SPAG16: variants seen among roughly 807,000 people sequenced by gnomAD.
SPAG16 encodes sperm associated antigen 16.
SPAG16 carries 86 observed loss-of-function variants against 80.4 expected under a neutral mutation model. That is an observed-to-expected ratio of 1.07 (90% CI 0.90 to 1.28). SPAG16 has a LOEUF of 1.28. Among genes scored for constraint, SPAG16 ranks in the 50% most tolerant of loss-of-function variants. The pLI is 0.00. For synonymous variants in SPAG16, 294 were observed against 265.9 expected (o/e 1.11, Z -1.03); for missense variants, 870 against 765.3 (o/e 1.14, Z -1.61).
intron 10 of SPAG16, among the ~76,000 whole-genome samples, chr2:213,514,169 A>C (rs1257099630): frequency 6.6e-6 from 1 of 152,142 alleles, no homozygotes; most frequent in Non-Finnish European, 1.5e-5. Flanking sequence ...GGTCCTTGGA[A>C]GCTCCGTATA....
chr2:213,847,347 T>C (rs994852339), intron 10 of SPAG16, among the ~76,000 whole-genome samples: 1 of 152,292 alleles, frequency 6.6e-6, no homozygotes, highest in Non-Finnish European at 1.5e-5. Context: ...GCAGGTTTTA[T>C]GGGAAGCATC....
intron 10 of SPAG16, among the ~76,000 whole-genome samples, chr2:213,610,503 T>TTTTATCACCATAACCTG (rs2061408342): frequency 6.6e-6 from 1 of 152,162 alleles, no homozygotes. Flanking sequence ...CCCATAACCT[T>TTTTATCACCATAACCTG]TTTATCACCA....
chr2:214,295,515 G>A (rs896883386), intron 15 of SPAG16, among the ~76,000 whole-genome samples: 1 of 152,168 alleles, frequency 6.6e-6, no homozygotes, highest in Non-Finnish European at 1.5e-5. Flanking sequence ...TGAAGGCCAG[G>A]GACAGTGGCT....
intron 15 of SPAG16, among the ~76,000 whole-genome samples, chr2:214,206,057 G>T (rs190547145): frequency 6.6e-6 from 1 of 151,958 alleles, no homozygotes; most frequent in African/African-American, 2.4e-5. Flanking sequence ...ATAGCTAGGT[G>T]TGGTGGCATA....
chr2:213,869,415 T>G (rs2075861588), intron 11 of SPAG16, among the ~76,000 whole-genome samples: 1 of 151,084 alleles, frequency 6.6e-6, no homozygotes. Context: ...ATACTGTCTC[T>G]CTAAAAATTA....
chr2:213,702,711 A>G (rs189117917), intron 10 of SPAG16, among the ~76,000 whole-genome samples: 65 of 152,330 alleles, frequency 4.3e-4, no homozygotes, highest in Non-Finnish European at 8.7e-4. Flanking sequence ...GTTCCAGTAC[A>G]GTGAATTACA....
chr2:213,918,667 G>C (rs1487106036), intron 11 of SPAG16, among the ~76,000 whole-genome samples: 3 of 152,124 alleles, frequency 2.0e-5, no homozygotes, highest in African/African-American at 7.2e-5. Flanking sequence ...CACCATGACT[G>C]TGAGGCCTCC....
At chr2:213,919,128 A>G (rs1208718260) in intron 11 of SPAG16, among the ~76,000 whole-genome samples, 2 of 152,048 alleles carry the variant, frequency 1.3e-5, no homozygotes, top group African/African-American at 2.4e-5. Flanking sequence ...GTGATTTTTC[A>G]TATCTCAATG....
intron 10 of SPAG16, among the ~76,000 whole-genome samples, chr2:213,524,798 CA>C (rs2075824175): frequency 6.6e-6 from 1 of 152,200 alleles, no homozygotes; most frequent in Non-Finnish European, 1.5e-5. Context: ...TTCAATTTTA[CA>C]GGCTCATGGT....
intron 13 of SPAG16, among the ~76,000 whole-genome samples, chr2:214,021,467 C>T (rs61283019): frequency 0.019 from 2,922 of 152,136 alleles, 78 homozygotes; most frequent in East Asian, 0.1. Context: ...GTTTTTAAAA[C>T]CATCAGATCT....
intron 9 of SPAG16, among the ~76,000 whole-genome samples, chr2:213,487,211 T>C (rs548447108): frequency 6.6e-6 from 1 of 152,162 alleles, no homozygotes; most frequent in East Asian, 1.9e-4. Flanking sequence ...ATTTGGGGTG[T>C]GACTCAGTGA....
intron 10 of SPAG16, among the ~76,000 whole-genome samples, chr2:213,627,426 C>T (rs141005490): frequency 2.6e-5 from 4 of 152,332 alleles, no homozygotes; most frequent in African/African-American, 9.6e-5. Flanking sequence ...GGTCTTTCTT[C>T]TTTCAATACC....
intron 13 of SPAG16, among the ~76,000 whole-genome samples, chr2:214,023,216 T>C (rs796416706): frequency 2.0e-5 from 3 of 151,994 alleles, no homozygotes; most frequent in African/African-American, 7.2e-5. Flanking sequence ...TCATTAAAAA[T>C]GTAGTAGAAG....
intron 10 of SPAG16, among the ~76,000 whole-genome samples, chr2:213,579,329 G>A (rs980745676): frequency 2.0e-5 from 3 of 152,150 alleles, no homozygotes; most frequent in Non-Finnish European, 4.4e-5. Context: ...CTACAGAAGG[G>A]CAGTTGCCCA....
intron 13 of SPAG16, among the ~76,000 whole-genome samples, chr2:214,014,631 G>A (rs1340565964): frequency 1.3e-5 from 2 of 152,178 alleles, no homozygotes; most frequent in Admixed American, 6.5e-5. Context: ...CAAAGCCATA[G>A]AGATGTGAGG....
chr2:213,307,297 T>C (rs2062979948), intron 3 of SPAG16, among the ~76,000 whole-genome samples: 1 of 149,924 alleles, frequency 6.7e-6, no homozygotes, highest in African/African-American at 2.4e-5. Flanking sequence ...GCTGGTGTGC[T>C]GCACCCACTA....
At chr2:214,100,715 A>C (rs2052955030) in intron 13 of SPAG16, among the ~76,000 whole-genome samples, 1 of 152,154 alleles carries the variant, frequency 6.6e-6, no homozygotes, top group Non-Finnish European at 1.5e-5. Context: ...TGCAAAGGAC[A>C]TGATCTCATT....
At chr2:213,585,006 T>C (rs952553130) in intron 10 of SPAG16, among the ~76,000 whole-genome samples, 8 of 151,334 alleles carry the variant, frequency 5.3e-5, no homozygotes, top group African/African-American at 1.9e-4. Flanking sequence ...CTGGCCAACA[T>C]GGCGAAACCC....
chr2:213,973,514 G>A (rs1292392165), intron 12 of SPAG16, among the ~76,000 whole-genome samples: 1 of 152,044 alleles, frequency 6.6e-6, no homozygotes, highest in Admixed American at 6.6e-5. Context: ...AGAACCAGAG[G>A]CCAGGGTTCC....
Sources: allele counts gnomAD v4.1 joint callset (sites outside exome capture counted in the v4.1 genomes callset), GRCh38; gene constraint gnomAD v4.1.1; transcripts MANE v1.5; gene names NCBI Gene and HGNC (gene_info 2026-07-23, HGNC 2026-07-21).